PLCG1: variants seen among roughly 807,000 people sequenced by gnomAD.
PLCG1 encodes phospholipase C gamma 1.
PLCG1 carries 71 observed loss-of-function variants against 177.8 expected under a neutral mutation model. The observed-to-expected ratio is 0.40, with a 90% CI of 0.33 to 0.49. PLCG1 has a LOEUF of 0.49. PLCG1 is among the 20% of genes least tolerant of loss of function. The pLI is 0.72. For synonymous variants in PLCG1, 658 were observed against 647.9 expected, an observed-to-expected ratio of 1.02 and a Z score of -0.24; for missense variants, 1,281 against 1,709.0, an observed-to-expected ratio of 0.75 and a Z score of 4.42.
Position 41,156,718 on chromosome 20 carries a change from C to G in PLCG1, c.218-2888C>G, listed in dbSNP as rs2035333051. Among the ~76,000 whole-genome samples the G allele has an allele frequency of 6.6e-6, 1 of 152,182 alleles. No individual in the cohort carries two copies. Among genetic ancestry groups the G allele is most frequent in the African/African-American group, 2.4e-5 (1 of 41,436 alleles). On this transcript the variant is annotated intron_variant, in intron 1 of 31. Transcript: ENST00000685551. This position sits in a 1 kb window ranked among gnomAD's most constrained non-coding sequence, Gnocchi z 5.0. ...GACTTTCCTACTCCCCTAAGTAGTT[C>G]TCCCCTTCTCAAGCTCCTAAGTTCT... is the stretch of plus-strand genomic sequence containing the variant.
Position 41,173,774 on chromosome 20 carries a change from C to T in PLCG1, c.3517C>T (p.Leu1173=), listed in dbSNP as rs1202037099. 3 of 1,614,008 alleles carry T rather than the reference C, an allele frequency of 1.9e-6. No individual in the cohort carries two copies. The African/African-American group carries it at 4.0e-5, about 22-fold the overall frequency. Residue 1173 remains leucine, a synonymous_variant, in exon 29 of 32, where the codon CTG becomes TTG. Coordinates refer to ENST00000685551, the MANE Select transcript of PLCG1 (RefSeq NM_002660.3). This position sits in a 1 kb window ranked among gnomAD's most constrained non-coding sequence, Gnocchi z 6.2. The stretch of plus-strand genomic sequence containing the variant: ...AGACATGTTTAGTGACCAGAATTTC[C>T]TGGCTCAGGCTACTTTCCCAGTAAA... ...EEDMFSDQNF[L]AQATFPVKGL...
chr20:41,159,486 T>C lies in PLCG1; in HGVS notation c.218-120T>C, dbSNP rs2035424285. 1.0e-6 allele frequency: 1 copy of C among 985,780 alleles called. No homozygotes were observed. The highest frequency in any genetic ancestry group is 1.5e-6 in the Non-Finnish European group (1 of 666,444). The allele number at this position is 985,780 out of a possible 1,614,324, so 61.1% of individuals were successfully genotyped here. On this transcript the variant is annotated intron_variant, in intron 1 of 31. Coordinates refer to ENST00000685551, the MANE Select transcript of PLCG1 (RefSeq NM_002660.3). This position sits in a 1 kb window ranked among gnomAD's most constrained non-coding sequence, Gnocchi z 6.0. Reference sequence around the variant, plus strand: ...ACCAGAGTGACTGAGTGGTCTTGGCTCTGCCTCTGGGGTTCCTCCCTGAGA... The same window carrying C: ...ACCAGAGTGACTGAGTGGTCTTGGCCCTGCCTCTGGGGTTCCTCCCTGAGA...
intron 24 of PLCG1, among the ~76,000 whole-genome samples, chr20:41,171,615 TGAAA>T (rs2035901404): frequency 7.5e-6 from 1 of 133,212 alleles, no homozygotes; most frequent in Non-Finnish European, 1.6e-5. Flanking sequence ...AAAAAGCCAC[TGAAA>T]GAAAGTCCTC....
chr20:41,163,546 G>A lies in PLCG1; in HGVS notation c.891+67G>A. 3 of 1,231,092 alleles carry A rather than the reference G, an allele frequency of 2.4e-6. No individual in the cohort carries two copies. The highest frequency in any genetic ancestry group is 1.2e-5 in the South Asian group (1 of 83,746). The allele number at this position is 1,231,092 out of a possible 1,614,324, so 76.3% of individuals were successfully genotyped here. On this transcript the variant is annotated intron_variant, in intron 9 of 31. Transcript: ENST00000685551. The surrounding 1 kb of genome is among the most constrained non-coding windows in gnomAD (Gnocchi z 5.2). ...TAGGGGTGACCAGGACCCCACCCGG[G>A]CTCCAGGAGCTAGACGCTCCTTAGG... is the stretch of plus-strand genomic sequence containing the variant.
chr20:41,138,665 A>G (rs1476646587), intron 1 of PLCG1, among the ~76,000 whole-genome samples: 1 of 151,900 alleles, frequency 6.6e-6, no homozygotes, highest in African/African-American at 2.4e-5. Flanking sequence ...GAGTGCAGCT[A>G]GTTTGTGAGT....
Position 41,164,186 on chromosome 20 carries a change from C to A in PLCG1, c.1202C>A (p.Ala401Asp). 6.2e-7 allele frequency: 1 copy of A among 1,614,066 alleles called. No homozygotes were observed. The highest frequency in any genetic ancestry group is 8.5e-7 in the Non-Finnish European group (1 of 1,180,006). Residue 401 changes from alanine (A) to aspartate (D), a missense_variant, in exon 12 of 32, where the codon GCC becomes GAC. By Grantham distance (126) the Ala-to-Asp change is moderately radical (BLOSUM62 -2). This residue lies in a region of PLCG1 where 723 missense variants were observed against 1,030.0 expected (regional missense o/e 0.70). Coordinates refer to ENST00000685551, the MANE Select transcript of PLCG1 (RefSeq NM_002660.3). This position sits in a 1 kb window ranked among gnomAD's most constrained non-coding sequence, Gnocchi z 6.4. ...SDVLHTIKEH[A>D]FVASEYPVIL... ...GTCCTGCACACCATCAAGGAGCATGCCTTTGTGGCCTCAGAGTGAGTCGGA... is the reference window on the plus strand; with the variant it reads ...GTCCTGCACACCATCAAGGAGCATGACTTTGTGGCCTCAGAGTGAGTCGGA...
rs372843049 is a variant in PLCG1, at chr20:41,173,889, C to G, written c.3557-34C>G. Reference sequence around the variant, plus strand: ...GGGCTGGGCCCCTTGCTCTGTCCCTCGTGGGCTGAGGGCCAGGCTTTTCCT... The same window carrying G: ...GGGCTGGGCCCCTTGCTCTGTCCCTGGTGGGCTGAGGGCCAGGCTTTTCCT... On this transcript the variant is annotated intron_variant, in intron 29 of 31. Transcript: ENST00000685551. This position sits in a 1 kb window ranked among gnomAD's most constrained non-coding sequence, Gnocchi z 6.2. 25 of 1,611,346 alleles carry G rather than the reference C, an allele frequency of 1.6e-5. No homozygotes were observed. The highest frequency in any genetic ancestry group is 2.0e-5 in the Non-Finnish European group (23 of 1,177,702).
Position 41,173,704 on chromosome 20 carries a change from C to G in PLCG1, c.3447C>G (p.Ile1149Met). 1 of 1,614,198 alleles carries G rather than the reference C, an allele frequency of 6.2e-7. No individual in the cohort carries two copies. Among genetic ancestry groups the G allele is most frequent in the South Asian group, 1.1e-5 (1 of 91,084 alleles). Reference sequence around the variant, plus strand: ...CAGCCAAGCCCTTCCACTTCCAGATCAGTAACCCTGAATTTGCCTTTCTGC... The same window carrying G: ...CAGCCAAGCCCTTCCACTTCCAGATGAGTAACCCTGAATTTGCCTTTCTGC... ...VWPAKPFHFQISNPEFAFLRF... is the reference protein window; with the variant it reads ...VWPAKPFHFQMSNPEFAFLRF... Residue 1149 changes from isoleucine (I) to methionine (M), a missense_variant, in exon 29 of 32, where the codon ATC becomes ATG. Physicochemically the swap from Ile to Met is conservative, Grantham distance 10. This residue lies in a region of PLCG1 where 723 missense variants were observed against 1,030.0 expected (regional missense o/e 0.70). Coordinates refer to ENST00000685551, the MANE Select transcript of PLCG1 (RefSeq NM_002660.3). The surrounding 1 kb of genome is among the most constrained non-coding windows in gnomAD (Gnocchi z 6.2).
In PLCG1 at chr20:41,157,616, A is replaced by C. The variant is rs562349601; in HGVS notation, c.218-1990A>C. 6.6e-6 allele frequency among the ~76,000 whole-genome samples: 1 copy of C among 152,186 alleles called. No individual in the cohort carries two copies. The highest frequency in any genetic ancestry group is 1.5e-5 in the Non-Finnish European group (1 of 68,036). ...TGTGAGCATGTATGTACGTGTTTGTATGCACGAGGCATCAAGTGTATTAGT... is the reference window on the plus strand; with the variant it reads ...TGTGAGCATGTATGTACGTGTTTGTCTGCACGAGGCATCAAGTGTATTAGT... On this transcript the variant is annotated intron_variant, in intron 1 of 31. Coordinates refer to ENST00000685551, the MANE Select transcript of PLCG1 (RefSeq NM_002660.3). The surrounding 1 kb of genome is among the most constrained non-coding windows in gnomAD (Gnocchi z 5.4).
chr20:41,167,774 G>C lies in PLCG1; in HGVS notation c.2302-78G>C. 9.8e-7 allele frequency: 1 copy of C among 1,024,864 alleles called. No homozygotes were observed. Among genetic ancestry groups the C allele is most frequent in the Non-Finnish European group, 1.5e-6 (1 of 653,550 alleles). 63.5% of individuals were successfully genotyped at this position (1,024,864 alleles called of 1,614,324 possible). Reference sequence around the variant, plus strand: ...GTTTGCTGCACTGGGGGAAAGGGAAGCTGCTCCAGAAACCAGTAGCTGCTT... The same window carrying C: ...GTTTGCTGCACTGGGGGAAAGGGAACCTGCTCCAGAAACCAGTAGCTGCTT... On this transcript the variant is annotated intron_variant, in intron 19 of 31. Coordinates refer to ENST00000685551, the MANE Select transcript of PLCG1 (RefSeq NM_002660.3). This position sits in a 1 kb window ranked among gnomAD's most constrained non-coding sequence, Gnocchi z 4.4.
intron 24 of PLCG1, among the ~76,000 whole-genome samples, chr20:41,171,586 CAAAAA>C (rs71844995): frequency 1.6e-4 from 10 of 64,108 alleles, no homozygotes; most frequent in South Asian, 8.0e-4. Flanking sequence ...GACTCTGTCT[CAAAAA>C]AAAAAAAAAA....
chr20:41,151,751 C>G lies in PLCG1; in HGVS notation c.218-7855C>G, dbSNP rs1241437979. ...TTGGAAATGCTGACCATCCTGTGACCTGGCTACTATTGCATCAGGCTTCCT... is the reference window on the plus strand; with the variant it reads ...TTGGAAATGCTGACCATCCTGTGACGTGGCTACTATTGCATCAGGCTTCCT... On this transcript the variant is annotated intron_variant, in intron 1 of 31. Coordinates refer to ENST00000685551, the MANE Select transcript of PLCG1 (RefSeq NM_002660.3). The surrounding 1 kb of genome is among the most constrained non-coding windows in gnomAD (Gnocchi z 5.5). 3.3e-5 allele frequency among the ~76,000 whole-genome samples: 5 copies of G among 152,220 alleles called. No homozygotes were observed. Among genetic ancestry groups the G allele is most frequent in the Admixed American group, 2.0e-4 (3 of 15,286 alleles).
At position 41,173,524 on chromosome 20, in the gene PLCG1, A is replaced by G. The variant is rs1479290369; in HGVS notation, c.3384A>G (p.Thr1128=). ...GAEYDSTKQK[T]EFVVDNGLNP... ...AGTATGACAGCACCAAGCAGAAGAC[A>G]GAGTTTGTGGGTCAGTCTGTCTTCC... The change falls in exon 28 of 32, where the codon ACA becomes ACG. Residue 1128 remains threonine, a synonymous_variant. Transcript: ENST00000685551. The surrounding 1 kb of genome is among the most constrained non-coding windows in gnomAD (Gnocchi z 6.2). 3.1e-6 allele frequency: 5 copies of G among 1,613,656 alleles called. No homozygotes were observed. Among genetic ancestry groups the G allele is most frequent in the Non-Finnish European group, 4.2e-6 (5 of 1,179,944 alleles).
Position 41,137,787 on chromosome 20 carries a change from A to G in PLCG1, c.146A>G (p.Lys49Arg). Residue 49 changes from lysine (K) to arginine (R), a missense_variant, in exon 1 of 32, where the codon AAG (lysine) becomes AGG (arginine). Physicochemically the swap from Lys to Arg is conservative, Grantham distance 26 (BLOSUM62 2). Coordinates refer to ENST00000685551, the MANE Select transcript of PLCG1 (RefSeq NM_002660.3). This position sits in a 1 kb window ranked among gnomAD's most constrained non-coding sequence, Gnocchi z 7.3. ...YSKKSQRPER[K>R]TFQVKLETRQ... Reference sequence around the variant, plus strand: ...AAGAAGTCGCAGCGACCCGAGCGGAAGACCTTCCAGGTCAAGCTGGAGACG... The same window carrying G: ...AAGAAGTCGCAGCGACCCGAGCGGAGGACCTTCCAGGTCAAGCTGGAGACG... 1 of 1,301,808 alleles carries G rather than the reference A, an allele frequency of 7.7e-7. No homozygotes were observed. The highest frequency in any genetic ancestry group is 9.8e-7 in the Non-Finnish European group (1 of 1,017,914). 80.6% of individuals were successfully genotyped at this position (1,301,808 alleles called of 1,614,324 possible).
chr20:41,162,226 T>C, intron 4 of PLCG1: 1 of 305,382 alleles, frequency 3.3e-6, no homozygotes, highest in Non-Finnish European at 5.9e-6. Context: ...TTTTGTTTGT[T>C]TTGTTTTTGT....
chr20:41,165,224 C>G lies in PLCG1; in HGVS notation c.1387-21C>G, dbSNP rs761901337. On this transcript the variant is annotated intron_variant, in intron 13 of 31. Transcript: ENST00000685551. This position sits in a 1 kb window ranked among gnomAD's most constrained non-coding sequence, Gnocchi z 6.6. The stretch of plus-strand genomic sequence containing the variant: ...GGTGAGGACTGGGGTCTGCATTGCC[C>G]TGTTCTGGTTGCCCCTACAGCACAA... 3.7e-6 allele frequency: 6 copies of G among 1,613,514 alleles called. No homozygotes were observed. The South Asian group carries it at 5.5e-5, about 15-fold the overall frequency.
rs1459380404 is a variant in PLCG1, at chr20:41,150,475, CAT to C, written c.218-9129_218-9128del. On this transcript the variant is annotated intron_variant, in intron 1 of 31. Coordinates refer to ENST00000685551, the MANE Select transcript of PLCG1 (RefSeq NM_002660.3). This position sits in a 1 kb window ranked among gnomAD's most constrained non-coding sequence, Gnocchi z 4.0. ...CTCTCTCCTGTAGCTAGGAGCCTGGCATACACAGGCCATCTAGAAAGAACTTA... is the reference window on the plus strand; with the variant it reads ...CTCTCTCCTGTAGCTAGGAGCCTGGCACACAGGCCATCTAGAAAGAACTTA... 6.6e-6 allele frequency among the ~76,000 whole-genome samples: 1 copy of C among 152,086 alleles called. No individual in the cohort carries two copies. The highest frequency in any genetic ancestry group is 1.5e-5 in the Non-Finnish European group (1 of 68,010).
At chr20:41,161,791 G>C (rs2035506704) in intron 4 of PLCG1, among the ~76,000 whole-genome samples, 1 of 148,638 alleles carries the variant, frequency 6.7e-6, no homozygotes, top group Admixed American at 6.8e-5. Context: ...CCTGTTGCCA[G>C]GTCCAGCAGT....
intron 1 of PLCG1, among the ~76,000 whole-genome samples, chr20:41,152,564 C>G (rs1180369929): frequency 3.9e-5 from 6 of 152,258 alleles, no homozygotes; most frequent in Non-Finnish European, 8.8e-5. Flanking sequence ...TACCATCTTT[C>G]TGGTACCATT....
Sources: gnomAD v4.1 joint callset for allele counts (sites outside exome capture counted in the v4.1 genomes callset) on GRCh38, gnomAD v4.1.1 for gene constraint, gnomAD v4.1.1 regional missense constraint, Gnocchi (gnomAD v3.1) non-coding constraint, MANE v1.5 for transcripts, NCBI Gene and HGNC (gene_info 2026-07-23, HGNC 2026-07-21) for gene names.